Variants in NKAIN2 observed in about 807,000 individuals in gnomAD.
NKAIN2 encodes sodium/potassium-transporting ATPase subunit beta-1-interacting protein 2.
In NKAIN2, 14 loss-of-function variants were observed where a neutral mutation model predicts 32.6. That is an observed-to-expected ratio of 0.43 (90% CI 0.28 to 0.67). NKAIN2 has a LOEUF of 0.67. Ranked by LOEUF, NKAIN2 falls within the 30% of genes least tolerant of loss-of-function variation. NKAIN2 has a pLI of 0.17. For missense variants in NKAIN2, 198 were observed against 258.3 expected (o/e 0.77, Z 1.60); for synonymous variants, 80 against 87.2 (o/e 0.92, Z 0.46).
intron 3 of NKAIN2, 47 bp downstream of exon 3, chr6:124,355,394 G>A: frequency 9.4e-7 from 1 of 1,062,734 alleles, no homozygotes; most frequent in Non-Finnish European, 1.5e-6. Context: ...GTGTTAACAA[G>A]TCTCTTCCTA....
chr6:124,124,067 T>C (rs1786029252), intron 1 of NKAIN2, among the ~76,000 whole-genome samples: 1 of 152,192 alleles, frequency 6.6e-6, no homozygotes, highest in Non-Finnish European at 1.5e-5. Context: ...GATGCTGTCA[T>C]ACTTGCTTGG....
chr6:124,393,342 AT>A (rs5879732), intron 3 of NKAIN2, among the ~76,000 whole-genome samples: 45 of 149,008 alleles, frequency 3.0e-4, no homozygotes, highest in South Asian at 6.3e-4. Flanking sequence ...CACTTATAGA[AT>A]TTTTTTTTTT....
chr6:124,643,439 CA>C (rs534546823), intron 3 of NKAIN2, among the ~76,000 whole-genome samples: 1 of 152,286 alleles, frequency 6.6e-6, no homozygotes, highest in East Asian at 1.9e-4. Flanking sequence ...AGTTCCCAGG[CA>C]CCATACCATT....
At chr6:124,582,371 G>A (rs1781555220) in intron 3 of NKAIN2, among the ~76,000 whole-genome samples, 1 of 152,044 alleles carries the variant, frequency 6.6e-6, no homozygotes, top group Admixed American at 6.5e-5. Flanking sequence ...GAAGAAACAG[G>A]TTAATTCCTA....
At chr6:124,806,608 A>T (rs1450826381) in intron 5 of NKAIN2, among the ~76,000 whole-genome samples, 1 of 152,182 alleles carries the variant, frequency 6.6e-6, no homozygotes, top group Non-Finnish European at 1.5e-5. Flanking sequence ...AGCTAACATC[A>T]TAATGACAGG....
At chr6:124,109,552 A>C (rs955735582) in intron 1 of NKAIN2, among the ~76,000 whole-genome samples, 1 of 152,028 alleles carries the variant, frequency 6.6e-6, no homozygotes, top group Non-Finnish European at 1.5e-5. Flanking sequence ...CGATCATGTA[A>C]GATGGAGTCG....
intron 1 of NKAIN2, among the ~76,000 whole-genome samples, chr6:124,087,999 C>T (rs1467973971): frequency 6.6e-6 from 1 of 151,970 alleles, no homozygotes; most frequent in Non-Finnish European, 1.5e-5. Flanking sequence ...GTTAATACTA[C>T]GTTGCATTCG....
At chr6:124,238,746 C>A (rs954497313) in intron 1 of NKAIN2, among the ~76,000 whole-genome samples, 3 of 152,128 alleles carry the variant, frequency 2.0e-5, no homozygotes, top group Non-Finnish European at 4.4e-5. Context: ...TTTGTCACCA[C>A]CAGGCCTGCC....
At chr6:124,324,108 A>G (rs1310165979) in intron 2 of NKAIN2, among the ~76,000 whole-genome samples, 2 of 152,106 alleles carry the variant, frequency 1.3e-5, no homozygotes, top group African/African-American at 4.8e-5. Context: ...AACTTTCTGT[A>G]AAAATTGTAC....
intron 1 of NKAIN2, among the ~76,000 whole-genome samples, chr6:124,079,429 A>G (rs1783847754): frequency 6.6e-6 from 1 of 152,202 alleles, no homozygotes; most frequent in African/African-American, 2.4e-5. Flanking sequence ...ACTAATAAAA[A>G]TATATTTTTT....
At chr6:123,926,428 G>T (rs920449949) in intron 1 of NKAIN2, among the ~76,000 whole-genome samples, 11 of 151,828 alleles carry the variant, frequency 7.2e-5, no homozygotes, top group African/African-American at 2.7e-4. Context: ...CCAGATTCCC[G>T]CTGCAGTGTT....
At chr6:124,304,443 T>C (rs1233155654) in intron 2 of NKAIN2, among the ~76,000 whole-genome samples, 1 of 152,060 alleles carries the variant, frequency 6.6e-6, no homozygotes, top group African/African-American at 2.4e-5. Flanking sequence ...TATAGAGGCC[T>C]AGTCAAAAAT....
chr6:124,625,432 ATGCGAG>A (rs1338152597), intron 3 of NKAIN2, among the ~76,000 whole-genome samples: 1 of 152,126 alleles, frequency 6.6e-6, no homozygotes, highest in African/African-American at 2.4e-5. Flanking sequence ...GGGCAGGACA[ATGCGAG>A]AGCTTATGAT....
chr6:123,833,985 C>T (rs1774503045), intron 1 of NKAIN2, among the ~76,000 whole-genome samples: 1 of 151,884 alleles, frequency 6.6e-6, no homozygotes, highest in Non-Finnish European at 1.5e-5. Flanking sequence ...CTCAGCCTCC[C>T]AAAGTCCTGG....
At chr6:123,904,355 C>T (rs1474101646) in intron 1 of NKAIN2, among the ~76,000 whole-genome samples, 2 of 152,148 alleles carry the variant, frequency 1.3e-5, no homozygotes, top group Non-Finnish European at 2.9e-5. Flanking sequence ...AAATGTCAAC[C>T]AGTTATCAGG....
chr6:124,663,060 A>T (rs1023863483), intron 4 of NKAIN2, among the ~76,000 whole-genome samples: 1 of 152,210 alleles, frequency 6.6e-6, no homozygotes, highest in Non-Finnish European at 1.5e-5. Context: ...TTAAAAAATA[A>T]AACAGTATTT....
intron 3 of NKAIN2, among the ~76,000 whole-genome samples, chr6:124,385,402 A>G (rs1008586482): frequency 6.6e-6 from 1 of 152,008 alleles, no homozygotes; most frequent in African/African-American, 2.4e-5. Context: ...GTCATTCTCT[A>G]CTAATGCAGC....
intron 4 of NKAIN2, among the ~76,000 whole-genome samples, chr6:124,756,944 A>C (rs1262314478): frequency 6.6e-6 from 1 of 152,126 alleles, no homozygotes; most frequent in Non-Finnish European, 1.5e-5. Flanking sequence ...TGTAGTTTTC[A>C]GTCTTTTTTT....
At chr6:123,953,379 AGTAGTTCAGCC>A (rs1777415166) in intron 1 of NKAIN2, among the ~76,000 whole-genome samples, 2 of 152,166 alleles carry the variant, frequency 1.3e-5, no homozygotes, top group Non-Finnish European at 2.9e-5. Context: ...CTCAGATTTC[AGTAGTTCAGCC>A]GTGGGCCAGG....
Sources: gnomAD v4.1 joint callset for allele counts (sites outside exome capture counted in the v4.1 genomes callset) on GRCh38, gnomAD v4.1.1 for gene constraint, MANE v1.5 for transcripts, NCBI Gene and HGNC (gene_info 2026-07-23, HGNC 2026-07-21) for gene names.